PARD3B: variants seen among roughly 807,000 people sequenced by gnomAD.
PARD3B encodes the protein partitioning defective 3 homolog B.
In PARD3B, 103 loss-of-function variants were observed where a neutral mutation model predicts 130.2. The ratio of observed to expected loss-of-function variants is 0.79; its 90% CI spans 0.67 to 0.93. The LOEUF (loss-of-function observed/expected upper bound fraction) is 0.93. Ranked by LOEUF, PARD3B falls within the 40% of genes least tolerant of loss-of-function variation. The pLI is 0.00. For synonymous variants in PARD3B, 583 were observed against 553.2 expected, an observed-to-expected ratio of 1.05 and a Z score of -0.76; for missense variants, 1,609 against 1,499.2, an observed-to-expected ratio of 1.07 and a Z score of -1.21.
At position 205,280,735 on chromosome 2, in the gene PARD3B, C is replaced by T. The variant is rs1039412407; in HGVS notation, c.2186-19795C>T. ...GACATGTCCTATAATTGCCACTTGG[C>T]TAACAAACATTTGATACTTGTCTTG... On this transcript the variant is annotated intron_variant, in intron 16 of 22. Coordinates refer to ENST00000406610, the MANE Select transcript of PARD3B (RefSeq NM_001302769.2). The surrounding 1 kb of genome is among the most constrained non-coding windows in gnomAD (Gnocchi z 4.7). Among the ~76,000 whole-genome samples the T allele has an allele frequency of 6.6e-6, 1 of 152,204 alleles. No homozygotes were observed. Among genetic ancestry groups the T allele is most frequent in the African/African-American group, 2.4e-5 (1 of 41,446 alleles).
At chr2:204,759,769 T>A (rs879802063) in intron 2 of PARD3B, among the ~76,000 whole-genome samples, 2 of 152,138 alleles carry the variant, frequency 1.3e-5, no homozygotes, top group East Asian at 1.9e-4. Flanking sequence ...CACAACTGTT[T>A]ATGTGATTAT....
chr2:204,954,240 A>T (rs1041330983), intron 2 of PARD3B, among the ~76,000 whole-genome samples: 2 of 152,214 alleles, frequency 1.3e-5, no homozygotes, highest in African/African-American at 4.8e-5. Context: ...ACCCACCTGT[A>T]GTTGCAGTGT....
At chr2:205,081,481 C>T (rs1024286619) in intron 4 of PARD3B, among the ~76,000 whole-genome samples, 1 of 151,926 alleles carries the variant, frequency 6.6e-6, no homozygotes, top group African/African-American at 2.4e-5. Context: ...ACGATCTTCT[C>T]AATATTTGTA....
intron 15 of PARD3B, among the ~76,000 whole-genome samples, chr2:205,212,410 C>G (rs2037693215): frequency 6.6e-6 from 1 of 152,052 alleles, no homozygotes; most frequent in Admixed American, 6.6e-5. Flanking sequence ...TACAGACTAT[C>G]TCATAGGTCT....
intron 2 of PARD3B, among the ~76,000 whole-genome samples, chr2:204,877,339 A>G (rs192659120): frequency 5.9e-5 from 9 of 152,324 alleles, no homozygotes; most frequent in Non-Finnish European, 7.3e-5. Context: ...TGGCACATGT[A>G]TACATATGTA....
chr2:205,029,821 G>A (rs1409542018), intron 3 of PARD3B, among the ~76,000 whole-genome samples: 1 of 152,122 alleles, frequency 6.6e-6, no homozygotes, highest in Non-Finnish European at 1.5e-5. Flanking sequence ...AAGGGCTGTG[G>A]AAGTGTATTA....
At chr2:204,939,126 T>C (rs550258116) in intron 2 of PARD3B, among the ~76,000 whole-genome samples, 1 of 152,118 alleles carries the variant, frequency 6.6e-6, no homozygotes, top group Admixed American at 6.5e-5. Flanking sequence ...ACAAGTGCAT[T>C]TTTTTTTCTA....
rs2054179742 is a variant in PARD3B, at chr2:205,585,885, C to T, written c.3261-29571C>T. On this transcript the variant is annotated intron_variant, in intron 22 of 22. Transcript: ENST00000406610. The surrounding 1 kb of genome is among the most constrained non-coding windows in gnomAD (Gnocchi z 5.4). ...CTCCGGCCACAGCAGGTCTGGTGGT[C>T]ACGGGAACCCACATCTTACATTCAA... Among the ~76,000 whole-genome samples, 1 of 152,104 alleles carries T rather than the reference C, an allele frequency of 6.6e-6. No individual in the cohort carries two copies. Among genetic ancestry groups the T allele is most frequent in the Non-Finnish European group, 1.5e-5 (1 of 68,024 alleles).
chr2:205,244,497 A>G lies in PARD3B; in HGVS notation c.2141-1281A>G, dbSNP rs1228717352. ...AGTTTTCATATCATGTATTTTTCTG[A>G]TATTAGTTAGTATCTGGGTAACACT... On this transcript the variant is annotated intron_variant, in intron 15 of 22. Coordinates refer to ENST00000406610, the MANE Select transcript of PARD3B (RefSeq NM_001302769.2). The surrounding 1 kb of genome is among the most constrained non-coding windows in gnomAD (Gnocchi z 4.7). Among the ~76,000 whole-genome samples, 2 of 152,140 alleles carry G rather than the reference A, an allele frequency of 1.3e-5. No individual in the cohort carries two copies. Among genetic ancestry groups the G allele is most frequent in the African/African-American group, 2.4e-5 (1 of 41,414 alleles).
chr2:205,263,010 A>G lies in PARD3B; in HGVS notation c.2185+17188A>G, dbSNP rs1271588342. On this transcript the variant is annotated intron_variant, in intron 16 of 22. Transcript: ENST00000406610. The surrounding 1 kb of genome is among the most constrained non-coding windows in gnomAD (Gnocchi z 4.0). ...TCTAGGCATAGAATCCTACCAAAAG[A>G]CAATACAGAGCTAGATTGAAAGCCC... Among the ~76,000 whole-genome samples the G allele has an allele frequency of 6.6e-6, 1 of 152,122 alleles. No homozygotes were observed. Among genetic ancestry groups the G allele is most frequent in the East Asian group, 1.9e-4 (1 of 5,190 alleles).
chr2:204,807,873 A>T (rs954172825), intron 2 of PARD3B, among the ~76,000 whole-genome samples: 14 of 152,012 alleles, frequency 9.2e-5, no homozygotes, highest in Non-Finnish European at 1.3e-4. Flanking sequence ...TGGGGATAGA[A>T]TGAGTAAGAT....
chr2:204,997,520 A>C (rs561335871), intron 3 of PARD3B, among the ~76,000 whole-genome samples: 1 of 152,270 alleles, frequency 6.6e-6, no homozygotes, highest in East Asian at 1.9e-4. Context: ...GAAAGTTACT[A>C]AAATGTTTTG....
chr2:204,877,064 TA>T (rs2125660058), intron 2 of PARD3B, among the ~76,000 whole-genome samples: 1 of 152,228 alleles, frequency 6.6e-6, no homozygotes, highest in African/African-American at 2.4e-5. Context: ...TATGCAGCCA[TA>T]AAAAATGATG....
intron 2 of PARD3B, among the ~76,000 whole-genome samples, chr2:204,709,519 G>C (rs2038336246): frequency 6.6e-6 from 1 of 152,074 alleles, no homozygotes. Flanking sequence ...ATGACCTCTA[G>C]GTTACAATAT....
At chr2:205,383,138 AGATC>A (rs759620397) in intron 18 of PARD3B, among the ~76,000 whole-genome samples, 2,597 of 138,502 alleles carry the variant, frequency 0.019, 51 homozygotes, top group Middle Eastern at 0.022. Context: ...ATAGATAGAT[AGATC>A]GATCTAAACT....
intron 4 of PARD3B, among the ~76,000 whole-genome samples, chr2:205,087,561 C>T (rs1363861706): frequency 6.6e-6 from 1 of 151,978 alleles, no homozygotes; most frequent in African/African-American, 2.4e-5. Context: ...AGGTTGTCTA[C>T]ATTTTATAAA....
At chr2:204,966,389 C>T (rs1457013182) in intron 3 of PARD3B, among the ~76,000 whole-genome samples, 4 of 152,118 alleles carry the variant, frequency 2.6e-5, no homozygotes, top group Non-Finnish European at 4.4e-5. Context: ...AACGTGGCTG[C>T]TGGAGGGCTT....
rs2033874223 is a variant in PARD3B at position 204,610,261 on chromosome 2, G to C, written c.120+64142G>C. Among the ~76,000 whole-genome samples the C allele has an allele frequency of 6.6e-6, 1 of 152,158 alleles. No individual in the cohort carries two copies. The highest frequency in any genetic ancestry group is 6.5e-5 in the Admixed American group (1 of 15,268). On this transcript the variant is annotated intron_variant, in intron 1 of 22. Transcript: ENST00000406610. This position sits in a 1 kb window ranked among gnomAD's most constrained non-coding sequence, Gnocchi z 4.1. ...TTAGGATTTCATTTTTGGTTTACAA[G>C]TAGTACTAAACAATTATTAAATCTG...
At chr2:204,607,528 T>C (rs148022719) in intron 1 of PARD3B, among the ~76,000 whole-genome samples, 1 of 152,304 alleles carries the variant, frequency 6.6e-6, no homozygotes, top group East Asian at 1.9e-4. Context: ...GACTGGGCCT[T>C]GTAAGGACTA....
Sources: gnomAD v4.1 joint callset for allele counts (sites outside exome capture counted in the v4.1 genomes callset) on GRCh38, gnomAD v4.1.1 for gene constraint, Gnocchi (gnomAD v3.1) non-coding constraint, MANE v1.5 for transcripts, NCBI Gene and HGNC (gene_info 2026-07-23, HGNC 2026-07-21) for gene names.